Variants in HPS3 observed in about 807,000 individuals in gnomAD.
The protein encoded by HPS3 is BLOC-2 complex member HPS3.
Under a neutral mutation model 110.9 loss-of-function variants are expected in HPS3, and 79 were observed. The ratio of observed to expected loss-of-function variants is 0.71; its 90% CI spans 0.59 to 0.86. HPS3 has a LOEUF of 0.86. Ranked by LOEUF, HPS3 falls within the 40% of genes least tolerant of loss-of-function variation. The pLI is 0.00. For synonymous variants in HPS3, 428 were observed against 451.0 expected (o/e 0.95, Z 0.65); for missense variants, 1,197 against 1,206.2 (o/e 0.99, Z 0.11).
rs757400160 is a variant in HPS3, at chr3:149,140,350, T to C, written c.564T>C (p.Pro188=). 9 of 1,611,012 alleles carry C rather than the reference T, an allele frequency of 5.6e-6. No homozygotes were observed. In the East Asian group the frequency reaches 1.8e-4, roughly 32 times the overall value. Residue 188 remains proline (P), a synonymous_variant, in exon 2 of 17, where the codon CCT becomes CCC. Transcript: ENST00000296051. ...TTATACACATAGATAATATCACTCC[T>C]GTTGAGGTTTCTTTTTGTGTTGGAT... is the stretch of plus-strand genomic sequence containing the variant. The part of the protein sequence containing the change: ...SLIIHIDNIT[P]VEVSFCVGYV...
chr3:149,145,625 TTG>T, intron 5 of HPS3, 79 bp downstream of exon 5: 1 of 1,064,388 alleles, frequency 9.4e-7, no homozygotes, highest in Non-Finnish European at 1.5e-6. Flanking sequence ...TCTGTGAGAA[TTG>T]TGTGAACTAG....
rs1416919042 is a variant in HPS3, at chr3:149,167,198, A to G, written c.2754A>G (p.Ala918=). Residue 918 remains alanine, a synonymous_variant, in exon 15 of 17, where the codon GCA becomes GCG. Transcript: ENST00000296051. ...TACTGTTAGAGAGATGCCCGGAGGC[A>G]GTCATTCCATATGCTAATCATGAAC... The part of the protein sequence containing the change: ...IDILLERCPE[A]VIPYANHELK... 6.2e-7 allele frequency: 1 copy of G among 1,613,910 alleles called. No homozygotes were observed. Among genetic ancestry groups the G allele is most frequent in the Non-Finnish European group, 8.5e-7 (1 of 1,179,888 alleles).
In HPS3 at chr3:149,153,412, A is replaced by T. The variant is rs560926130; in HGVS notation, c.1246-82A>T. On this transcript the variant is annotated intron_variant, in intron 6 of 16. Transcript: ENST00000296051. The stretch of plus-strand genomic sequence containing the variant: ...GGATGGTGGCAGCAGAAGAGATTTG[A>T]TCAAATAAACTGACTGATTTTTGAA... 4 of 1,235,822 alleles carry T rather than the reference A, an allele frequency of 3.2e-6. No individual in the cohort carries two copies. In the South Asian group the frequency reaches 3.7e-5, roughly 11 times the overall value. The allele number at this position is 1,235,822 out of a possible 1,614,324, so 76.6% of individuals were successfully genotyped here. A position where few individuals can be genotyped will look rare whatever the true frequency, so the allele number is the denominator to read the frequency against.
chr3:149,139,146 A>C (rs556487737), intron 1 of HPS3, among the ~76,000 whole-genome samples: 2 of 152,362 alleles, frequency 1.3e-5, no homozygotes, highest in South Asian at 4.1e-4. Flanking sequence ...GAATTATTGA[A>C]TAAATTATGC....
chr3:149,129,951 T>A lies in HPS3; in HGVS notation c.217+11T>A. On this transcript the variant is annotated intron_variant, in intron 1 of 16. Transcript: ENST00000296051. Reference sequence around the variant, plus strand: ...CCTACAGCGAGGCTGGTGAGTAATCTAGAGAGCCAGGGGCCGCCTGGGGTC... The same window carrying A: ...CCTACAGCGAGGCTGGTGAGTAATCAAGAGAGCCAGGGGCCGCCTGGGGTC... 6.5e-7 allele frequency: 1 copy of A among 1,537,010 alleles called. No individual in the cohort carries two copies. The highest frequency in any genetic ancestry group is 8.7e-7 in the Non-Finnish European group (1 of 1,147,700).
rs1722410244 is a variant in HPS3, at chr3:149,141,044, A to G, written c.740A>G (p.Glu247Gly). ...ATCAGTAATGAAATTTCACAGCTTG[A>G]GTCAGATGATTTTGTCATCTGCCAG... ...EGISNEISQL[E>G]SDDFVICQKP... Residue 247 changes from glutamate (E) to glycine (G), a missense_variant, in exon 3 of 17, where the codon GAG (glutamate) becomes GGG (glycine). Physicochemically the swap from Glu to Gly is moderately conservative, Grantham distance 98 (BLOSUM62 -2). Coordinates refer to ENST00000296051, the MANE Select transcript of HPS3 (RefSeq NM_032383.5). 1 of 1,614,060 alleles carries G rather than the reference A, an allele frequency of 6.2e-7. No homozygotes were observed. Among genetic ancestry groups the G allele is most frequent in the East Asian group, 2.2e-5 (1 of 44,868 alleles).
chr3:149,139,790 C>G (rs570699890), intron 1 of HPS3, among the ~76,000 whole-genome samples: 98 of 152,262 alleles, frequency 6.4e-4, no homozygotes, highest in African/African-American at 2.3e-3. Context: ...AATAGGTTGT[C>G]TTAAGACACT....
At chr3:149,146,996 G>GTTCAGGCAAGGATATTAAGGGGCGGTA (rs1722815448) in intron 5 of HPS3, among the ~76,000 whole-genome samples, 1 of 152,154 alleles carries the variant, frequency 6.6e-6, no homozygotes, top group Admixed American at 6.5e-5. Context: ...TATTGGAATA[G>GTTCAGGCAAGGATATTAAGGGGCGGTA]TTCAGGCAAG....
At chr3:149,160,472 A>G (rs1291455316) in intron 11 of HPS3, among the ~76,000 whole-genome samples, 193 bp downstream of exon 11, 1 of 152,230 alleles carries the variant, frequency 6.6e-6, no homozygotes, top group African/African-American at 2.4e-5. Context: ...CTGATAAATG[A>G]CAGCAGTGGA....
chr3:149,135,424 A>T (rs1419381464), intron 1 of HPS3, among the ~76,000 whole-genome samples: 1 of 152,142 alleles, frequency 6.6e-6, no homozygotes, highest in African/African-American at 2.4e-5. Context: ...GCTGTTTCTC[A>T]TGATAGTGAA....
chr3:149,149,016 C>T (rs1246779065), intron 5 of HPS3, among the ~76,000 whole-genome samples: 4 of 141,198 alleles, frequency 2.8e-5, no homozygotes, highest in Non-Finnish European at 4.5e-5. Context: ...TGCAGTGGCA[C>T]GATCTTGGCT....
At chr3:149,171,542 A>G (rs1249885989) in intron 16 of HPS3, among the ~76,000 whole-genome samples, 2 of 152,230 alleles carry the variant, frequency 1.3e-5, no homozygotes, top group African/African-American at 4.8e-5. Context: ...TAATTCAGCA[A>G]TGAAATAATA....
intron 1 of HPS3, among the ~76,000 whole-genome samples, chr3:149,136,191 A>G (rs560853552): frequency 8.4e-5 from 11 of 130,206 alleles, no homozygotes; most frequent in African/African-American, 3.4e-4. Flanking sequence ...CACACATTAT[A>G]ATATATGTAT....
intron 1 of HPS3, among the ~76,000 whole-genome samples, chr3:149,135,989 A>G (rs1040714426): frequency 5.3e-5 from 8 of 152,104 alleles, no homozygotes; most frequent in African/African-American, 2.4e-5. Flanking sequence ...TTGATCTGGT[A>G]TTACTGTTAG....
chr3:149,150,736 A>G (rs1723053370), intron 6 of HPS3, 56 bp downstream of exon 6: 1 of 1,335,238 alleles, frequency 7.5e-7, no homozygotes. Flanking sequence ...GAGCACATGA[A>G]TACTCGTAGA....
chr3:149,153,929 T>A (rs1723288108), intron 7 of HPS3: 1 of 429,680 alleles, frequency 2.3e-6, no homozygotes, highest in African/African-American at 2.0e-5. Flanking sequence ...GTGTAATTAA[T>A]GAGAAAGACT....
chr3:149,150,428 A>G (rs1313706638), intron 5 of HPS3, among the ~76,000 whole-genome samples, 171 bp from the exon 6 acceptor site: 1 of 152,210 alleles, frequency 6.6e-6, no homozygotes, highest in African/African-American at 2.4e-5. Context: ...AACACACCAC[A>G]GGGATTCTGA....
intron 16 of HPS3, among the ~76,000 whole-genome samples, chr3:149,169,038 C>CGTGTGT (rs34076994): frequency 1.8e-4 from 27 of 149,810 alleles, no homozygotes; most frequent in South Asian, 4.2e-4. Context: ...TGTGTGCATA[C>CGTGTGT]GTGTGTGTGT....
rs1405017032 is a variant in HPS3, at chr3:149,155,124, G to A, written c.1418G>A (p.Ser473Asn). 6.3e-7 allele frequency: 1 copy of A among 1,599,156 alleles called. No individual in the cohort carries two copies. The highest frequency in any genetic ancestry group is 2.2e-5 in the East Asian group (1 of 44,810). The change falls in exon 8 of 17, where the codon AGT becomes AAT. Residue 473 changes from serine (S) to asparagine (N), a missense_variant. Coordinates refer to ENST00000296051, the MANE Select transcript of HPS3 (RefSeq NM_032383.5). ...GCTTTTAGTTCGAGAAAAGATACCAGTGTTAAAATCAAAATACCTCCTGTA... is the reference window on the plus strand; with the variant it reads ...GCTTTTAGTTCGAGAAAAGATACCAATGTTAAAATCAAAATACCTCCTGTA... ...PKRLLSRKDT[S>N]VKIKIPPVAE... is the part of the protein sequence containing the mutation.
Sources: gnomAD v4.1 joint callset for allele counts (sites outside exome capture counted in the v4.1 genomes callset) on GRCh38, gnomAD v4.1.1 for gene constraint, MANE v1.5 for transcripts, NCBI Gene and HGNC (gene_info 2026-07-23, HGNC 2026-07-21) for gene names.